NAV1: variants seen among roughly 807,000 people sequenced by gnomAD.
NAV1 encodes neuron navigator 1.
In NAV1, 18 loss-of-function variants were observed where a neutral mutation model predicts 175.2. The ratio of observed to expected loss-of-function variants is 0.10; its 90% confidence interval spans 0.07 to 0.15. NAV1 has a LOEUF of 0.15. Among genes scored for constraint, NAV1 ranks in the 10% least tolerant of loss-of-function variants. The pLI is 1.00. For synonymous variants in NAV1, 897 were observed against 978.7 expected, an observed-to-expected ratio of 0.92 and a Z score of 1.56; for missense variants, 1,731 against 2,436.6, an observed-to-expected ratio of 0.71 and a Z score of 6.10.
intron 14 of NAV1, chr1:201,794,125 A>G: frequency 1.5e-6 from 1 of 680,898 alleles, no homozygotes; most frequent in Non-Finnish European, 2.7e-6. Flanking sequence ...ATAAGGGCTC[A>G]GGGCTCCTGC....
Position 201,813,089 on chromosome 1 carries a change from C to G in NAV1, c.5222-51C>G. 1 of 1,335,490 alleles carries G rather than the reference C, an allele frequency of 7.5e-7. No homozygotes were observed. The allele number at this position is 1,335,490 out of a possible 1,614,324, so 82.7% of individuals were successfully genotyped here. A position where few individuals can be genotyped will look rare whatever the true frequency, so the allele number is the denominator to read the frequency against. On this transcript the variant is annotated intron_variant, in intron 27 of 29. Coordinates refer to ENST00000367296, the Ensembl canonical transcript of NAV1. The surrounding 1 kb of genome is among the most constrained non-coding windows in gnomAD (Gnocchi z 4.2). ...CTAAGGAGTAAAAGAGGCACACAAC[C>G]GGGAAGATCTAGGTTCCCAGCCATC... is the stretch of plus-strand genomic sequence containing the variant.
At chr1:201,567,077 G>A (rs553979850) in intron 1 of NAV1, among the ~76,000 whole-genome samples, 4 of 136,306 alleles carry the variant, frequency 2.9e-5, no homozygotes, top group South Asian at 2.7e-4. Flanking sequence ...CCCAGCCACC[G>A]GAAGACAAAA....
At chr1:201,776,032 GGTAAGA>G (rs1419697807) in intron 3 of NAV1, among the ~76,000 whole-genome samples, 2 of 151,778 alleles carry the variant, frequency 1.3e-5, no homozygotes, top group Non-Finnish European at 2.9e-5. Context: ...CTCTAGCCTG[GGTAAGA>G]ATACAAGATC....
At chr1:201,592,901 T>G (rs1241392789) in intron 2 of NAV1, among the ~76,000 whole-genome samples, 2 of 152,042 alleles carry the variant, frequency 1.3e-5, no homozygotes, top group South Asian at 2.1e-4. Context: ...CGTGGCCCTC[T>G]CCTATCACTC....
At chr1:201,697,465 G>A (rs942294002) in intron 1 of NAV1, among the ~76,000 whole-genome samples, 2 of 152,168 alleles carry the variant, frequency 1.3e-5, no homozygotes, top group African/African-American at 4.8e-5. Context: ...CTTGCCCCCA[G>A]CTTTCTCTCT....
chr1:201,590,698 A>C (rs1667162748), intron 2 of NAV1, among the ~76,000 whole-genome samples: 1 of 152,192 alleles, frequency 6.6e-6, no homozygotes, highest in African/African-American at 2.4e-5. Flanking sequence ...GAGTCAGAGC[A>C]TCTAGGCCAG....
chr1:201,786,479 C>T (rs1484254953), exon 9 of NAV1: 2 of 1,614,000 alleles, frequency 1.2e-6, no homozygotes. Flanking sequence ...CATTCCCATA[C>T]CATTGGTGGG....
At chr1:201,804,602 AT>A (rs377166271) in intron 17 of NAV1, 105 bp downstream of exon 21, 34,264 of 740,806 alleles carry the variant, frequency 0.046, 1,831 homozygotes, top group Admixed American at 0.057. Flanking sequence ...AAAAAAAAAA[AT>A]GAATGACCAC....
At chr1:201,734,455 G>GGAGGAGGAGGAGGAA (rs1057377828) in intron 3 of NAV1, among the ~76,000 whole-genome samples, 1 of 120,702 alleles carries the variant, frequency 8.3e-6, no homozygotes, top group African/African-American at 2.9e-5. Flanking sequence ...AAGAAGAGGA[G>GGAGGAGGAGGAGGAA]GAGGAGGAGG....
At chr1:201,720,054 C>G (rs189885905) in intron 3 of NAV1, among the ~76,000 whole-genome samples, 1 of 152,224 alleles carries the variant, frequency 6.6e-6, no homozygotes, top group Non-Finnish European at 1.5e-5. Context: ...AGCCCAACCT[C>G]GCGCTCACGC....
intron 1 of NAV1, among the ~76,000 whole-genome samples, chr1:201,570,944 A>G (rs1430052888): frequency 6.6e-6 from 1 of 152,218 alleles, no homozygotes; most frequent in East Asian, 1.9e-4. Context: ...CAACAAAGCT[A>G]TCTCATTTCC....
chr1:201,782,381 T>A lies in NAV1; in HGVS notation c.1869T>A (p.Gly623=), dbSNP rs1424797326. 5 of 1,613,960 alleles carry A rather than the reference T, an allele frequency of 3.1e-6. No homozygotes were observed. The Admixed American group carries it at 6.7e-5, about 22-fold the overall frequency. Residue 623 remains glycine (G), a synonymous_variant, in exon 6 of 30, where the codon GGT becomes GGA. Coordinates refer to ENST00000367296, the Ensembl canonical transcript of NAV1. This position sits in a 1 kb window ranked among gnomAD's most constrained non-coding sequence, Gnocchi z 5.4. Reference sequence around the variant, plus strand: ...GCACAGCCACTGTCATGCAAACTGGTGGTTCAGCCACTCTCAGCAAGATCC... The same window carrying A: ...GCACAGCCACTGTCATGCAAACTGGAGGTTCAGCCACTCTCAGCAAGATCC...
At chr1:201,771,016 C>T (rs1386601756) in intron 3 of NAV1, among the ~76,000 whole-genome samples, 3 of 152,138 alleles carry the variant, frequency 2.0e-5, no homozygotes, top group Non-Finnish European at 4.4e-5. Flanking sequence ...AGAAGTGGCT[C>T]ACCAAGAGTG....
chr1:201,551,564 C>A (rs1040660770), intron 1 of NAV1, among the ~76,000 whole-genome samples: 6 of 152,198 alleles, frequency 3.9e-5, no homozygotes, highest in Non-Finnish European at 7.3e-5. Flanking sequence ...AACTTAACCA[C>A]AGACATCATG....
exon 30 of NAV1, chr1:201,826,774 C>T (rs575997464): frequency 2.6e-5 from 4 of 152,102 alleles, no homozygotes; most frequent in Non-Finnish European, 4.4e-5. Context: ...GCCGGGCTGT[C>T]CCCTCAGTAA....
rs912419637 is a variant in NAV1 at position 201,812,715 on chromosome 1, G to A, written c.5221+54G>A. 3 of 1,482,220 alleles carry A rather than the reference G, an allele frequency of 2.0e-6. No homozygotes were observed. The African/African-American group carries it at 4.2e-5, about 21-fold the overall frequency. The allele number at this position is 1,482,220 out of a possible 1,614,324, so 91.8% of individuals were successfully genotyped here. On this transcript the variant is annotated intron_variant, in intron 27 of 29. Transcript: ENST00000367296. This position sits in a 1 kb window ranked among gnomAD's most constrained non-coding sequence, Gnocchi z 4.6. ...CAGGAGGTGGCTTCCCTTTTCCACT[G>A]TACCACCTGGAGGGATGCTCCCTTC... is the stretch of plus-strand genomic sequence containing the variant.
chr1:201,642,167 C>CCCTACCTT (rs754218887), intron 2 of NAV1, among the ~76,000 whole-genome samples: 1 of 116,446 alleles, frequency 8.6e-6, no homozygotes, highest in Non-Finnish European at 1.7e-5. Context: ...TCTCTCCCCT[C>CCCTACCTT]CCTTCCTTCC....
rs531369120 is a variant in NAV1, at chr1:201,769,471, T to C, written c.1227-10950T>C. On this transcript the variant is annotated intron_variant, in intron 3 of 29. Coordinates refer to ENST00000367296, the Ensembl canonical transcript of NAV1. ...ACCGCTCTGCCCCATTTGATGTTTG[T>C]ATATTTGATAGAATACAGTGCATAC... 2.6e-5 allele frequency among the ~76,000 whole-genome samples: 4 copies of C among 152,344 alleles called. No homozygotes were observed. The South Asian group carries it at 8.3e-4, about 32-fold the overall frequency.
Position 201,750,746 on chromosome 1 carries a change from C to T in NAV1, c.1227-29675C>T, listed in dbSNP as rs1207074903. ...CAGAGGGGCTGTCACCTCCCAATCT[C>T]AGAAAGGCAGGCAGGAATTTTTGGC... On this transcript the variant is annotated intron_variant, in intron 3 of 29. Coordinates refer to ENST00000367296, the Ensembl canonical transcript of NAV1. The surrounding 1 kb of genome is among the most constrained non-coding windows in gnomAD (Gnocchi z 4.1). 6.6e-6 allele frequency among the ~76,000 whole-genome samples: 1 copy of T among 151,954 alleles called. No individual in the cohort carries two copies. The highest frequency in any genetic ancestry group is 1.5e-5 in the Non-Finnish European group (1 of 67,988).
Sources: allele counts gnomAD v4.1 joint callset (sites outside exome capture counted in the v4.1 genomes callset), GRCh38; gene constraint gnomAD v4.1.1; non-coding constraint Gnocchi (gnomAD v3.1); transcripts MANE v1.5; gene names NCBI Gene and HGNC (gene_info 2026-07-23, HGNC 2026-07-21).